The following DENND5B variants were observed in gnomAD, a reference collection of about 807,000 sequenced individuals.
DENND5B encodes DENN domain-containing protein 5B.
A neutral mutation model predicts 140.6 loss-of-function variants in DENND5B; 34 were observed. That is an observed-to-expected ratio of 0.24 (90% CI 0.18 to 0.32). The LOEUF (loss-of-function observed/expected upper bound fraction) is 0.32. DENND5B is among the 10% of genes least tolerant of loss of function. DENND5B has a pLI of 1.00. For missense variants in DENND5B, 1,142 were observed against 1,560.2 expected (o/e 0.73, Z 4.52); for synonymous variants, 551 against 562.1 (o/e 0.98, Z 0.28).
In DENND5B at chr12:31,426,530, G is replaced by GT. The variant is rs569605706; in HGVS notation, c.2107-107dup. ...AGACAAATGAAATGCAAAAAAGTCCGTAAGTGTATGTGCATATAACAACAA... is the reference window on the plus strand; with the variant it reads ...AGACAAATGAAATGCAAAAAAGTCCGTTAAGTGTATGTGCATATAACAACAA... On this transcript the variant is annotated intron_variant, in intron 8 of 20. Coordinates refer to ENST00000389082, the MANE Select transcript of DENND5B (RefSeq NM_144973.4). 2.4e-4 allele frequency: 303 copies of GT among 1,263,716 alleles called. No homozygotes were observed. In the African/African-American group the frequency reaches 3.8e-3, roughly 16 times the overall value. The allele number at this position is 1,263,716 out of a possible 1,614,324, so 78.3% of individuals were successfully genotyped here. A position where few individuals can be genotyped will look rare whatever the true frequency, so the allele number is the denominator to read the frequency against.
intron 14 of DENND5B, among the ~76,000 whole-genome samples, chr12:31,407,063 G>A (rs959159846): frequency 1.3e-5 from 2 of 152,144 alleles, no homozygotes; most frequent in African/African-American, 4.8e-5. Flanking sequence ...GCCTCCCAAG[G>A]TGCTGGCATT....
chr12:31,426,679 ACATTT>A (rs1943251856), intron 8 of DENND5B: 1 of 320,880 alleles, frequency 3.1e-6, no homozygotes, highest in South Asian at 4.3e-5. Context: ...AAGTGAGATG[ACATTT>A]CATTTCATTT....
chr12:31,576,345 C>T (rs778976021), intron 1 of DENND5B, among the ~76,000 whole-genome samples: 24 of 149,762 alleles, frequency 1.6e-4, no homozygotes, highest in East Asian at 8.1e-4. Flanking sequence ...CCCAGCTAAT[C>T]GGGAGGCTGA....
chr12:31,503,135 AATAT>A (rs1441165087), intron 1 of DENND5B, among the ~76,000 whole-genome samples: 1 of 152,210 alleles, frequency 6.6e-6, no homozygotes, highest in Non-Finnish European at 1.5e-5. Context: ...TCAATAATTA[AATAT>A]ATACTACAGG....
chr12:31,503,219 A>T (rs1331264142), intron 1 of DENND5B, among the ~76,000 whole-genome samples: 1 of 152,168 alleles, frequency 6.6e-6, no homozygotes, highest in Non-Finnish European at 1.5e-5. Context: ...GAATTACACT[A>T]TGACACAAAA....
chr12:31,528,418 A>T (rs1487540642), intron 1 of DENND5B, among the ~76,000 whole-genome samples: 1 of 152,190 alleles, frequency 6.6e-6, no homozygotes, highest in Non-Finnish European at 1.5e-5. Context: ...CAAGATCCTG[A>T]ATCACATCTG....
At chr12:31,559,470 T>C (rs1055990410) in intron 1 of DENND5B, among the ~76,000 whole-genome samples, 2 of 100,346 alleles carry the variant, frequency 2.0e-5, no homozygotes, top group African/African-American at 3.8e-5. Flanking sequence ...TATTTTGGAG[T>C]TATCTCCAGA....
At chr12:31,460,494 T>C in intron 3 of DENND5B, 113 bp from the exon 4 acceptor site, 1 of 951,050 alleles carries the variant, frequency 1.1e-6, no homozygotes, top group Non-Finnish European at 1.5e-6. Flanking sequence ...AAAGTAAATA[T>C]TTCTTTATGA....
At chr12:31,572,565 C>T (rs1949865582) in intron 1 of DENND5B, among the ~76,000 whole-genome samples, 1 of 145,662 alleles carries the variant, frequency 6.9e-6, no homozygotes, top group East Asian at 2.0e-4. Context: ...AAAAAACTCA[C>T]GAGTTATTAA....
chr12:31,464,348 C>G (rs1232894774), intron 3 of DENND5B, among the ~76,000 whole-genome samples: 1 of 152,124 alleles, frequency 6.6e-6, no homozygotes, highest in Admixed American at 6.6e-5. Context: ...TCCACTTTTT[C>G]CTCAGGCAAT....
At chr12:31,590,622 A>G in intron 1 of DENND5B, 84 bp downstream of exon 1, 1 of 1,357,772 alleles carries the variant, frequency 7.4e-7, no homozygotes, top group Non-Finnish European at 9.4e-7. Context: ...CTTTGTCTGG[A>G]GCCTGCACCC....
At position 31,512,763 on chromosome 12, in the gene DENND5B, T is replaced by TA. The variant is rs1347587473; in HGVS notation, c.128-16845dup. 2.0e-5 allele frequency among the ~76,000 whole-genome samples: 3 copies of TA among 152,190 alleles called. No homozygotes were observed. In the East Asian group the frequency reaches 5.8e-4, roughly 29 times the overall value. On this transcript the variant is annotated intron_variant, in intron 1 of 20. Coordinates refer to ENST00000389082, the MANE Select transcript of DENND5B (RefSeq NM_144973.4). ...CATTTCATTGTTTTAAGAAACTTTT[T>TA]AAAAAGTAAATTTAATTTTTAGAAT...
rs921698165 is a variant in DENND5B, at chr12:31,517,188, A to G, written c.128-21269T>C. Among the ~76,000 whole-genome samples, 27 of 152,214 alleles carry G rather than the reference A, an allele frequency of 1.8e-4. 2 individuals are homozygous for G. In the South Asian group the frequency reaches 1.9e-3, roughly 10 times the overall value. ...ACATCAGCCTCCATTCTGCACATCC[A>G]TATCTTTCAGGACTGTTTCCTACAT... is the stretch of plus-strand genomic sequence containing the variant. On this transcript the variant is annotated intron_variant, in intron 1 of 20. Transcript: ENST00000389082.
At position 31,575,747 on chromosome 12, in the gene DENND5B, A is replaced by G. The variant is rs530319602; in HGVS notation, c.127+14959T>C. On this transcript the variant is annotated intron_variant, in intron 1 of 20. Transcript: ENST00000389082. ...CCAGGCAGGATAGCTTGAGTCCAGG[A>G]GTTCGAGACAGCCTGGGCAACACAG... Among the ~76,000 whole-genome samples, 3 of 152,260 alleles carry G rather than the reference A, an allele frequency of 2.0e-5. No individual in the cohort carries two copies. In the East Asian group the frequency reaches 5.8e-4, roughly 29 times the overall value.
intron 11 of DENND5B, among the ~76,000 whole-genome samples, chr12:31,418,282 C>CT (rs66507414): frequency 0.35 from 46,857 of 132,676 alleles, 9,689 homozygotes; most frequent in Non-Finnish European, 0.46. Flanking sequence ...TTTTTCTTTT[C>CT]TTTTTTTTTT....
chr12:31,426,576 AAGAC>A (rs1332523786), intron 8 of DENND5B, 152 bp from the exon 9 acceptor site: 2 of 865,802 alleles, frequency 2.3e-6, no homozygotes, highest in Admixed American at 3.2e-5. Context: ...AGTGTACTAA[AAGAC>A]AGAGGACACT....
chr12:31,389,875 C>G (rs56183451), intron 19 of DENND5B, among the ~76,000 whole-genome samples: 19,080 of 152,040 alleles, frequency 0.13, 1,544 homozygotes, highest in Non-Finnish European at 0.18. Flanking sequence ...GTTCTAGTTA[C>G]AGAATGACTT....
chr12:31,463,148 A>T (rs1945098957), intron 3 of DENND5B, among the ~76,000 whole-genome samples: 2 of 151,952 alleles, frequency 1.3e-5, no homozygotes, highest in Admixed American at 1.3e-4. Context: ...AATCTCAGCT[A>T]CTTGGGAGGC....
At chr12:31,565,697 A>G (rs1175939540) in intron 1 of DENND5B, among the ~76,000 whole-genome samples, 6 of 152,172 alleles carry the variant, frequency 3.9e-5, no homozygotes, top group African/African-American at 1.2e-4. Flanking sequence ...ACTGTTCTCT[A>G]TAGTTAAAGG....
Sources: allele counts gnomAD v4.1 joint callset (sites outside exome capture counted in the v4.1 genomes callset), GRCh38; gene constraint gnomAD v4.1.1; transcripts MANE v1.5; gene names NCBI Gene and HGNC (gene_info 2026-07-23, HGNC 2026-07-21).